ZBTB20: variants seen among roughly 807,000 people sequenced by gnomAD.
The protein encoded by ZBTB20 is zinc finger and BTB domain containing 20.
ZBTB20 carries 9 observed loss-of-function variants against 56.9 expected under a neutral mutation model. That is an observed-to-expected ratio of 0.16 (90% CI 0.10 to 0.28). The LOEUF is 0.28. ZBTB20 is among the 10% of genes least tolerant of loss of function. The pLI is 1.00. For missense variants in ZBTB20, 655 were observed against 1,003.0 expected (o/e 0.65, Z 4.69); for synonymous variants, 417 against 420.7 (o/e 0.99, Z 0.11).
At chr3:114,529,693 A>G (rs2047623575) in intron 6 of ZBTB20, among the ~76,000 whole-genome samples, 2 of 152,228 alleles carry the variant, frequency 1.3e-5, no homozygotes, top group African/African-American at 4.8e-5. Context: ...GTTTTATCCT[A>G]TAATATTTAG....
intron 5 of ZBTB20, among the ~76,000 whole-genome samples, chr3:114,782,388 A>G (rs577401823): frequency 6.6e-6 from 1 of 152,308 alleles, no homozygotes; most frequent in East Asian, 1.9e-4. Flanking sequence ...CACAGGTTCT[A>G]TCCAATGGAG....
In ZBTB20 at chr3:114,429,915, C is replaced by T. The variant is rs954829306; in HGVS notation, c.-254-40810G>A. On this transcript the variant is annotated intron_variant, in intron 7 of 11. Transcript: ENST00000675478. ...TAGGGACTTGAGCATTTGTTGATTTCGGTATCTGTGTGGTGGGCTGGGGTG... is the reference window on the plus strand; with the variant it reads ...TAGGGACTTGAGCATTTGTTGATTTTGGTATCTGTGTGGTGGGCTGGGGTG... Among the ~76,000 whole-genome samples, 10 of 148,160 alleles carry T rather than the reference C, an allele frequency of 6.7e-5. No homozygotes were observed. The South Asian group carries it at 9.0e-4, about 13-fold the overall frequency.
intron 6 of ZBTB20, among the ~76,000 whole-genome samples, chr3:114,533,864 C>T (rs1424275248): frequency 2.0e-5 from 3 of 152,152 alleles, no homozygotes; most frequent in African/African-American, 7.2e-5. Context: ...ATTTTCAACC[C>T]AGAATTTCAT....
chr3:114,893,486 T>G (rs1013001229), intron 4 of ZBTB20, among the ~76,000 whole-genome samples: 2 of 152,192 alleles, frequency 1.3e-5, no homozygotes, highest in Non-Finnish European at 2.9e-5. Flanking sequence ...ACTGTTTTCA[T>G]TGGTAAGTTG....
rs550875999 is a variant in ZBTB20, at chr3:114,758,087, G to A, written c.-343+43014C>T. The stretch of plus-strand genomic sequence containing the variant: ...TTCATTTCAAAAACAGTTTGTTGTC[G>A]ATGAAAGCGCATTTTCCAGGTTATC... On this transcript the variant is annotated intron_variant, in intron 5 of 11. Transcript: ENST00000675478. 2.6e-5 allele frequency among the ~76,000 whole-genome samples: 4 copies of A among 152,100 alleles called. No individual in the cohort carries two copies. The East Asian group carries it at 5.8e-4, about 22-fold the overall frequency.
At chr3:114,470,435 CT>C (rs2039996412) in intron 7 of ZBTB20, among the ~76,000 whole-genome samples, 1 of 151,962 alleles carries the variant, frequency 6.6e-6, no homozygotes, top group Non-Finnish European at 1.5e-5. Flanking sequence ...AAATATAGAT[CT>C]TGGTTATATG....
At chr3:114,733,992 A>C (rs1379771720) in intron 5 of ZBTB20, among the ~76,000 whole-genome samples, 1 of 152,066 alleles carries the variant, frequency 6.6e-6, no homozygotes, top group Admixed American at 6.6e-5. Context: ...ATATACCAAA[A>C]CCCACAAGAT....
At chr3:115,059,518 T>C (rs1195511457) in intron 2 of ZBTB20, among the ~76,000 whole-genome samples, 1 of 152,210 alleles carries the variant, frequency 6.6e-6, no homozygotes, top group Non-Finnish European at 1.5e-5. Context: ...GGTTCACCTT[T>C]TCAGCTCTCT....
intron 6 of ZBTB20, among the ~76,000 whole-genome samples, chr3:114,539,600 C>T (rs115106854): frequency 0.012 from 1,835 of 152,162 alleles, 37 homozygotes; most frequent in African/African-American, 0.039. Context: ...TCCATTGCAT[C>T]GTATCATTAG....
intron 7 of ZBTB20, among the ~76,000 whole-genome samples, chr3:114,498,795 T>G (rs917057331): frequency 6.6e-6 from 1 of 152,158 alleles, no homozygotes; most frequent in African/African-American, 2.4e-5. Context: ...GAGACAGCCT[T>G]TCAACTACAC....
At chr3:114,491,804 A>G (rs1165243397) in intron 7 of ZBTB20, among the ~76,000 whole-genome samples, 1 of 152,016 alleles carries the variant, frequency 6.6e-6, no homozygotes. Flanking sequence ...CCTTTCCTTC[A>G]TAGCAAAACT....
chr3:114,496,346 G>T (rs1166272790), intron 7 of ZBTB20, among the ~76,000 whole-genome samples: 2 of 152,160 alleles, frequency 1.3e-5, no homozygotes, highest in African/African-American at 2.4e-5. Flanking sequence ...ATGACATTTG[G>T]TTGGCAGAAG....
At chr3:114,408,525 A>ATT (rs112947085) in intron 7 of ZBTB20, among the ~76,000 whole-genome samples, 2 of 147,674 alleles carry the variant, frequency 1.4e-5, no homozygotes, top group African/African-American at 2.5e-5. Context: ...TCTTCTAGTG[A>ATT]TTTTTTTTTT....
intron 7 of ZBTB20, among the ~76,000 whole-genome samples, chr3:114,491,255 C>T (rs917012081): frequency 6.6e-6 from 1 of 152,112 alleles, no homozygotes. Context: ...CACCTTGGTC[C>T]CCAAACTGCT....
At position 114,790,775 on chromosome 3, in the gene ZBTB20, G is replaced by GT. The variant is rs199728572; in HGVS notation, c.-343+10325dup. On this transcript the variant is annotated intron_variant, in intron 5 of 11. Coordinates refer to ENST00000675478, the MANE Select transcript of ZBTB20 (RefSeq NM_001348800.3). The stretch of plus-strand genomic sequence containing the variant: ...TATCATAGGGGAGACATAACAGTAA[G>GT]TTTTTTTTTTTTTTAATTTGAGAGA... Among the ~76,000 whole-genome samples the GT allele has an allele frequency of 4.3e-3, 608 of 142,006 alleles. 2 individuals carry two copies. The highest frequency in any genetic ancestry group is 7.5e-3 in the Middle Eastern group (2 of 266). The allele number at this position is 142,006 out of a possible 152,430, so 93.2% of individuals were successfully genotyped here. A position where few individuals can be genotyped will look rare whatever the true frequency, so the allele number is the denominator to read the frequency against.
Position 114,985,366 on chromosome 3 carries a change from T to A in ZBTB20, c.-506-10950A>T, listed in dbSNP as rs571674972. 3.9e-5 allele frequency among the ~76,000 whole-genome samples: 6 copies of A among 152,240 alleles called. No homozygotes were observed. The South Asian group carries it at 8.3e-4, about 21-fold the overall frequency. ...ATGAAAAATGCTCTGTCTCTCAGCA[T>A]TAATGGGGCACAGTAAGTCCATTTA... On this transcript the variant is annotated intron_variant, in intron 2 of 11. Transcript: ENST00000675478.
intron 5 of ZBTB20, among the ~76,000 whole-genome samples, chr3:114,704,953 T>C (rs2063623780): frequency 5.3e-5 from 8 of 152,148 alleles, no homozygotes; most frequent in Admixed American, 5.2e-4. Flanking sequence ...CAAACAACAT[T>C]CACTCAGGGT....
chr3:114,867,879 A>G (rs571629506), intron 4 of ZBTB20, among the ~76,000 whole-genome samples: 36 of 152,344 alleles, frequency 2.4e-4, no homozygotes, highest in Admixed American at 1.1e-3. Flanking sequence ...AATATATGCG[A>G]GTTACATTAA....
chr3:115,016,876 CA>C (rs1435649077), intron 2 of ZBTB20, among the ~76,000 whole-genome samples: 1 of 151,612 alleles, frequency 6.6e-6, no homozygotes, highest in African/African-American at 2.4e-5. Flanking sequence ...ATTGAAAGAA[CA>C]TACCTCAAAA....
Sources: gnomAD v4.1 joint callset for allele counts (sites outside exome capture counted in the v4.1 genomes callset) on GRCh38, gnomAD v4.1.1 for gene constraint, MANE v1.5 for transcripts, NCBI Gene and HGNC (gene_info 2026-07-23, HGNC 2026-07-21) for gene names.